PAWR: variants seen among roughly 807,000 people sequenced by gnomAD.
The protein encoded by PAWR is PRKC apoptosis WT1 regulator protein.
In PAWR, 23 loss-of-function variants were observed where a neutral mutation model predicts 32.0. The observed-to-expected ratio is 0.72, with a 90% CI of 0.52 to 1.02. The LOEUF is 1.02. Ranked by LOEUF, PAWR falls within the 50% of genes least tolerant of loss-of-function variation. The pLI is 0.00. For missense variants in PAWR, 457 were observed against 437.7 expected (o/e 1.04, Z -0.39); for synonymous variants, 226 against 187.1 (o/e 1.21, Z -1.70).
chr12:79,594,710 T>C (rs1361983099), intron 5 of PAWR, among the ~76,000 whole-genome samples: 1 of 107,500 alleles, frequency 9.3e-6, no homozygotes, highest in Non-Finnish European at 1.5e-5. Flanking sequence ...CGTGTGTGTG[T>C]GTGTGTGTGT....
chr12:79,669,399 C>G (rs1320289959), intron 2 of PAWR, among the ~76,000 whole-genome samples: 1 of 152,186 alleles, frequency 6.6e-6, no homozygotes, highest in Non-Finnish European at 1.5e-5. Context: ...ACTGTTCTAT[C>G]TTTTCAACTT....
intron 2 of PAWR, among the ~76,000 whole-genome samples, chr12:79,621,997 C>G (rs1034420489): frequency 1.3e-5 from 2 of 152,002 alleles, no homozygotes; most frequent in African/African-American, 2.4e-5. Context: ...ACTCACACCC[C>G]CTCCAGACAA....
chr12:79,638,879 TATATATATATATATATA>T (rs1366530725), intron 2 of PAWR, among the ~76,000 whole-genome samples: 3 of 9,036 alleles, frequency 3.3e-4, no homozygotes, highest in African/African-American at 1.6e-3. Flanking sequence ...TATATATATA[TATATATATATATATATA>T]TTTTTTTTTT....
chr12:79,672,552 G>A (rs988322033), intron 2 of PAWR, among the ~76,000 whole-genome samples: 3 of 152,000 alleles, frequency 2.0e-5, no homozygotes, highest in Admixed American at 6.6e-5. Context: ...TCCATATAGA[G>A]GCTTTCCTTG....
intron 2 of PAWR, among the ~76,000 whole-genome samples, chr12:79,621,741 T>C (rs1875028864): frequency 6.6e-6 from 1 of 152,034 alleles, no homozygotes; most frequent in South Asian, 2.1e-4. Flanking sequence ...TGGCTACAAT[T>C]TGGAATTGCA....
At chr12:79,689,651 G>C in intron 2 of PAWR, 78 bp downstream of exon 2, 1 of 1,475,758 alleles carries the variant, frequency 6.8e-7, no homozygotes, top group Non-Finnish European at 9.0e-7. Context: ...CTGCGCCCCG[G>C]GTAGCTCCCA....
At chr12:79,622,616 G>C (rs1875080346) in intron 2 of PAWR, among the ~76,000 whole-genome samples, 1 of 152,224 alleles carries the variant, frequency 6.6e-6, no homozygotes, top group Middle Eastern at 3.4e-3. Flanking sequence ...CTGAGATGGA[G>C]TCTTACAACA....
chr12:79,592,925 A>C (rs1272527546), intron 6 of PAWR, among the ~76,000 whole-genome samples: 1 of 152,174 alleles, frequency 6.6e-6, no homozygotes, highest in Non-Finnish European at 1.5e-5. Flanking sequence ...TCAGTTTTTC[A>C]AAGGAAGCCG....
At chr12:79,664,081 C>T (rs1427355258) in intron 2 of PAWR, among the ~76,000 whole-genome samples, 1 of 151,976 alleles carries the variant, frequency 6.6e-6, no homozygotes, top group Admixed American at 6.6e-5. Flanking sequence ...GAAATTTGCC[C>T]ATTAAAAATA....
At chr12:79,645,181 T>C (rs1232241145) in intron 2 of PAWR, among the ~76,000 whole-genome samples, 2 of 152,116 alleles carry the variant, frequency 1.3e-5, no homozygotes, top group Non-Finnish European at 2.9e-5. Context: ...GTTGGTTACT[T>C]AAGAATGAAG....
rs146212316 is a variant in PAWR at position 79,661,355 on chromosome 12, A to G, written c.516+28374T>C. On this transcript the variant is annotated intron_variant, in intron 2 of 6. Coordinates refer to ENST00000328827, the MANE Select transcript of PAWR (RefSeq NM_002583.4). ...AATTTTAAACTTTTAGCTTACAAAC[A>G]AAAGATTTCAAATCCATTATGCCAT... 4.1e-3 allele frequency among the ~76,000 whole-genome samples: 618 copies of G among 152,270 alleles called. 11 individuals are homozygous for G. The highest frequency in any genetic ancestry group is 0.014 in the African/African-American group (586 of 41,558).
At chr12:79,681,147 G>T in intron 2 of PAWR, among the ~76,000 whole-genome samples, 1 of 132,106 alleles carries the variant, frequency 7.6e-6, no homozygotes, top group East Asian at 2.3e-4. Flanking sequence ...GGGAGGGGTG[G>T]GGAGGGGAGG....
At chr12:79,626,163 T>TAAAAAAAAAAAAAAAAAAAAA (rs565157190) in intron 2 of PAWR, among the ~76,000 whole-genome samples, 1 of 82,108 alleles carries the variant, frequency 1.2e-5, no homozygotes, top group African/African-American at 3.6e-5. Flanking sequence ...GACTCCATCT[T>TAAAAAAAAAAAAAAAAAAAAA]AAAAAAAAAA....
intron 2 of PAWR, among the ~76,000 whole-genome samples, chr12:79,644,840 A>C (rs544410694): frequency 1.2e-4 from 18 of 152,162 alleles, no homozygotes; most frequent in Non-Finnish European, 1.9e-4. Context: ...AGTGCAGTGA[A>C]CTCAGACACC....
intron 2 of PAWR, among the ~76,000 whole-genome samples, chr12:79,681,815 A>AAAGT (rs1476662465): frequency 6.6e-6 from 1 of 152,192 alleles, no homozygotes; most frequent in African/African-American, 2.4e-5. Context: ...TTGAAACCTA[A>AAAGT]AAGTAACTTC....
chr12:79,621,603 T>G (rs973658226), intron 2 of PAWR, among the ~76,000 whole-genome samples: 2 of 152,106 alleles, frequency 1.3e-5, no homozygotes, highest in Non-Finnish European at 2.9e-5. Context: ...AATACATATA[T>G]ATAGATAGAT....
At chr12:79,623,579 AG>A (rs1247859691) in intron 2 of PAWR, among the ~76,000 whole-genome samples, 1 of 152,178 alleles carries the variant, frequency 6.6e-6, no homozygotes, top group African/African-American at 2.4e-5. Flanking sequence ...CAAAATTTTT[AG>A]TAACAACCAT....
intron 2 of PAWR, among the ~76,000 whole-genome samples, chr12:79,630,573 G>T (rs1295462126): frequency 6.6e-6 from 1 of 152,158 alleles, no homozygotes; most frequent in Non-Finnish European, 1.5e-5. Flanking sequence ...AAAGGGCTGG[G>T]ATTACAGGTG....
intron 2 of PAWR, among the ~76,000 whole-genome samples, chr12:79,626,163 T>TAAAAAAAAAAAAAA (rs565157190): frequency 8.5e-5 from 7 of 82,110 alleles, no homozygotes; most frequent in African/African-American, 2.5e-4. Context: ...GACTCCATCT[T>TAAAAAAAAAAAAAA]AAAAAAAAAA....
Sources: gnomAD v4.1 joint callset for allele counts (sites outside exome capture counted in the v4.1 genomes callset) on GRCh38, gnomAD v4.1.1 for gene constraint, MANE v1.5 for transcripts, NCBI Gene and HGNC (gene_info 2026-07-23, HGNC 2026-07-21) for gene names.